CRISPLD2: variants seen among roughly 807,000 people sequenced by gnomAD.
The protein encoded by CRISPLD2 is cysteine rich secretory protein LCCL domain containing 2, also known as cysteine-rich secretory protein LCCL domain-containing 2.
In CRISPLD2, 47 loss-of-function variants were observed where a neutral mutation model predicts 71.1. That is an observed-to-expected ratio of 0.66 (90% CI 0.52 to 0.84). CRISPLD2 has a LOEUF of 0.84. Ranked by LOEUF, CRISPLD2 falls within the 40% of genes least tolerant of loss-of-function variation. CRISPLD2 has a pLI of 0.00. For synonymous variants in CRISPLD2, 317 were observed against 250.1 expected (o/e 1.27, Z -2.52); for missense variants, 830 against 651.1 (o/e 1.27, Z -2.99).
chr16:84,885,921 C>T (rs1368807906), intron 13 of CRISPLD2, among the ~76,000 whole-genome samples: 2 of 149,508 alleles, frequency 1.3e-5, no homozygotes, highest in Non-Finnish European at 3.0e-5. Context: ...TGGGCTCAAG[C>T]GATCCTCCCA....
intron 6 of CRISPLD2, among the ~76,000 whole-genome samples, chr16:84,862,026 G>C (rs192540923): frequency 3.3e-5 from 5 of 152,314 alleles, no homozygotes; most frequent in Admixed American, 1.3e-4. Context: ...AATGTGGACA[G>C]CTGGGTAGGA....
chr16:84,829,759 C>G (rs187331463), intron 1 of CRISPLD2, among the ~76,000 whole-genome samples: 31 of 152,330 alleles, frequency 2.0e-4, no homozygotes, highest in African/African-American at 7.5e-4. Flanking sequence ...AGGCAAGTTG[C>G]TTATCTTTTT....
At chr16:84,885,072 G>A (rs772848492) in intron 13 of CRISPLD2, among the ~76,000 whole-genome samples, 3 of 152,236 alleles carry the variant, frequency 2.0e-5, no homozygotes, top group Non-Finnish European at 2.9e-5. Flanking sequence ...TGGAAATGCA[G>A]ATTCTCTGGC....
chr16:84,851,021 G>T (rs1320870830), intron 5 of CRISPLD2, among the ~76,000 whole-genome samples: 1 of 152,168 alleles, frequency 6.6e-6, no homozygotes, highest in Non-Finnish European at 1.5e-5. Context: ...TTCTTTGCCA[G>T]AATTAGACCA....
chr16:84,836,909 G>T (rs1597449210), intron 1 of CRISPLD2, among the ~76,000 whole-genome samples: 1 of 152,332 alleles, frequency 6.6e-6, no homozygotes, highest in South Asian at 2.1e-4. Flanking sequence ...AGACAGAGCT[G>T]CTTCTTCCGG....
intron 6 of CRISPLD2, among the ~76,000 whole-genome samples, chr16:84,856,062 CCTT>C (rs1180705440): frequency 1.3e-5 from 2 of 152,240 alleles, no homozygotes; most frequent in African/African-American, 2.4e-5. Flanking sequence ...TTGATGACTA[CCTT>C]CTTCTACTGC....
At chr16:84,853,784 C>T (rs866967173) in intron 5 of CRISPLD2, among the ~76,000 whole-genome samples, 5 of 152,236 alleles carry the variant, frequency 3.3e-5, no homozygotes, top group South Asian at 2.1e-4. Flanking sequence ...GGCTTCCCCA[C>T]GGTCACTCCC....
At position 84,907,675 on chromosome 16, in the gene CRISPLD2, CT is replaced by C. The variant is rs2071816173; in HGVS notation, c.*1034del. 1.3e-5 allele frequency: 2 copies of C among 152,248 alleles called. No individual in the cohort carries two copies. The highest frequency in any genetic ancestry group is 1.3e-4 in the Admixed American group (2 of 15,282). 9.4% of individuals were successfully genotyped at this position (152,248 alleles called of 1,614,324 possible). ...GCAGATTCCCCACGCACCCGATGAC[CT>C]ATTTTTTCAGCCGTGGGAGGAATGG... is the stretch of plus-strand genomic sequence containing the variant. On this transcript the variant is annotated 3_prime_UTR_variant, in exon 15 of 15. Transcript: ENST00000262424.
chr16:84,901,061 TAGAA>T (rs905482256), intron 14 of CRISPLD2, among the ~76,000 whole-genome samples: 3 of 150,824 alleles, frequency 2.0e-5, no homozygotes, highest in African/African-American at 4.9e-5. Flanking sequence ...AAAAAAAGAT[TAGAA>T]AGAACTAAAT....
intron 1 of CRISPLD2, chr16:84,836,580 G>A (rs1202791723): frequency 1.3e-5 from 2 of 152,190 alleles, no homozygotes; most frequent in African/African-American, 4.8e-5. Flanking sequence ...TCAGGACCCT[G>A]GAGAGTTTCC....
intron 13 of CRISPLD2, among the ~76,000 whole-genome samples, chr16:84,884,421 C>T (rs1296805375): frequency 6.6e-6 from 1 of 152,172 alleles, no homozygotes; most frequent in African/African-American, 2.4e-5. Context: ...TGTGACCATC[C>T]CTGCTTTATA....
rs369325271 is a variant in CRISPLD2, at chr16:84,883,968, C to G, written c.1305+3384C>G. Among the ~76,000 whole-genome samples, 1,035 of 152,000 alleles carry G rather than the reference C, an allele frequency of 6.8e-3. 13 individuals carry two copies. Among genetic ancestry groups the G allele is most frequent in the African/African-American group, 0.024 (991 of 41,446 alleles). ...AAGCAATTCTCCTGTCCCAGCCTCC[C>G]GAGTAGCTGGGATTACAGGTGCCCG... On this transcript the variant is annotated intron_variant, in intron 13 of 14. Transcript: ENST00000262424.
intron 6 of CRISPLD2, among the ~76,000 whole-genome samples, chr16:84,864,852 A>G (rs1364520166): frequency 6.6e-6 from 1 of 152,224 alleles, no homozygotes; most frequent in African/African-American, 2.4e-5. Flanking sequence ...ACCCGTGAGC[A>G]CATCCAAGAT....
At chr16:84,894,457 G>A (rs553634515) in intron 14 of CRISPLD2, among the ~76,000 whole-genome samples, 120 of 152,186 alleles carry the variant, frequency 7.9e-4, no homozygotes, top group African/African-American at 2.8e-3. Flanking sequence ...CATCTGAATC[G>A]CAAATTCATT....
intron 13 of CRISPLD2, among the ~76,000 whole-genome samples, chr16:84,887,573 A>G (rs1004315675): frequency 2.6e-5 from 4 of 152,112 alleles, no homozygotes; most frequent in Non-Finnish European, 4.4e-5. Context: ...TGGGGATTCT[A>G]TTTCCTATAA....
chr16:84,843,430 C>G (rs1013181739), intron 2 of CRISPLD2, among the ~76,000 whole-genome samples: 42 of 152,216 alleles, frequency 2.8e-4, no homozygotes, highest in African/African-American at 8.2e-4. Context: ...TTCTAAAACC[C>G]CAAAGAGTTG....
At chr16:84,900,433 T>C (rs2071743245) in intron 14 of CRISPLD2, among the ~76,000 whole-genome samples, 1 of 152,112 alleles carries the variant, frequency 6.6e-6, no homozygotes, top group East Asian at 1.9e-4. Context: ...GTTAATCTTA[T>C]ACTCAAACTC....
chr16:84,877,092 C>T (rs560787196), intron 11 of CRISPLD2, among the ~76,000 whole-genome samples: 6 of 152,290 alleles, frequency 3.9e-5, no homozygotes, highest in African/African-American at 1.2e-4. Context: ...CCTCATCTGC[C>T]TACTTAGAGT....
In CRISPLD2 at chr16:84,871,870, GA is replaced by G. The variant is rs56328159; in HGVS notation, c.915-543del. On this transcript the variant is annotated intron_variant, in intron 8 of 14. Transcript: ENST00000262424. Reference sequence around the variant, plus strand: ...CCTGGCCTTGTTTTTTTTCAAATGAGAAAAAAAAAAAAAAAAAAAAAAAAAA... The same window carrying G: ...CCTGGCCTTGTTTTTTTTCAAATGAGAAAAAAAAAAAAAAAAAAAAAAAAA... 4.9e-3 allele frequency among the ~76,000 whole-genome samples: 488 copies of G among 100,018 alleles called. 5 individuals carry two copies. The highest frequency in any genetic ancestry group is 0.015 in the African/African-American group (404 of 27,558). The allele number at this position is 100,018 out of a possible 152,430, so 65.6% of individuals were successfully genotyped here. A position where few individuals can be genotyped will look rare whatever the true frequency, so the allele number is the denominator to read the frequency against.
Sources: gnomAD v4.1 joint callset for allele counts (sites outside exome capture counted in the v4.1 genomes callset) on GRCh38, gnomAD v4.1.1 for gene constraint, MANE v1.5 for transcripts, NCBI Gene and HGNC (gene_info 2026-07-23, HGNC 2026-07-21) for gene names.